RFX4: variants seen among roughly 807,000 people sequenced by gnomAD.
The protein encoded by RFX4 is transcription factor RFX4.
Under a neutral mutation model 95.0 loss-of-function variants are expected in RFX4, and 10 were observed. The ratio of observed to expected loss-of-function variants is 0.11; its 90% CI spans 0.06 to 0.18. The LOEUF (loss-of-function observed/expected upper bound fraction) is 0.18. Ranked by LOEUF, RFX4 falls within the 10% of genes least tolerant of loss-of-function variation. RFX4 has a pLI of 1.00. For missense variants in RFX4, 640 were observed against 922.0 expected, an observed-to-expected ratio of 0.69 and a Z score of 3.96; for synonymous variants, 321 against 340.7, an observed-to-expected ratio of 0.94 and a Z score of 0.64.
chr12:106,731,786 G>A (rs536289238), intron 13 of RFX4, among the ~76,000 whole-genome samples: 13 of 152,308 alleles, frequency 8.5e-5, no homozygotes, highest in African/African-American at 3.1e-4. Flanking sequence ...GCCGAAGAGA[G>A]TGAGCGGTGC....
intron 15 of RFX4, among the ~76,000 whole-genome samples, chr12:106,734,889 C>T (rs531735944): frequency 6.6e-6 from 1 of 151,836 alleles, no homozygotes; most frequent in South Asian, 2.1e-4. Context: ...ATTGAGACCC[C>T]CATCTCTACA....
chr12:106,593,711 C>T (rs1253408886), intron 1 of RFX4, among the ~76,000 whole-genome samples: 1 of 152,168 alleles, frequency 6.6e-6, no homozygotes, highest in Non-Finnish European at 1.5e-5. Context: ...TAAAAGTGAG[C>T]ATGAAAGAGT....
At chr12:106,687,182 T>TCTCACACACACA (rs1443795120) in intron 6 of RFX4, 85 bp downstream of exon 6, 417 of 547,162 alleles carry the variant, frequency 7.6e-4, no homozygotes, top group African/African-American at 7.2e-3. Flanking sequence ...TCTCTCTCTC[T>TCTCACACACACA]CACACACACA....
intron 4 of RFX4, chr12:106,662,077 C>A (rs959935341): frequency 8.6e-6 from 2 of 231,294 alleles, no homozygotes; most frequent in South Asian, 4.8e-5. Context: ...TGGGTAAATA[C>A]CAAGAAGGGC....
At chr12:106,664,583 C>T (rs909933719) in intron 4 of RFX4, among the ~76,000 whole-genome samples, 2 of 151,590 alleles carry the variant, frequency 1.3e-5, no homozygotes, top group Non-Finnish European at 3.0e-5. Flanking sequence ...ATTGTATCTT[C>T]TTCTTACTTC....
At chr12:106,594,327 G>T (rs756745900) in intron 1 of RFX4, among the ~76,000 whole-genome samples, 1 of 152,208 alleles carries the variant, frequency 6.6e-6, no homozygotes, top group Non-Finnish European at 1.5e-5. Context: ...GTTGTTGTGA[G>T]AAAGGCTTTG....
At chr12:106,711,639 T>G in intron 10 of RFX4, 128 bp downstream of exon 10, 3 of 721,362 alleles carry the variant, frequency 4.2e-6, no homozygotes, top group Non-Finnish European at 7.2e-6. Context: ...TTTTTTAATT[T>G]CTACAGATAA....
Position 106,694,765 on chromosome 12 carries a change from C to T in RFX4, c.670-1518C>T, listed in dbSNP as rs540362211. On this transcript the variant is annotated intron_variant, in intron 7 of 17. Transcript: ENST00000392842. ...ATAAAGAAAGCTAATGGCGGCCAGG[C>T]GGTGGCTCACTGTAATCCCAGGACT... Among the ~76,000 whole-genome samples the T allele has an allele frequency of 1.6e-4, 25 of 152,192 alleles. No individual in the cohort carries two copies. In the South Asian group the frequency reaches 2.9e-3, roughly 18 times the overall value.
At chr12:106,665,626 A>AT (rs997284505) in intron 4 of RFX4, among the ~76,000 whole-genome samples, 20 of 151,730 alleles carry the variant, frequency 1.3e-4, no homozygotes, top group Non-Finnish European at 2.5e-4. Flanking sequence ...ATATCATTCC[A>AT]TTTTTTCTCC....
intron 3 of RFX4, among the ~76,000 whole-genome samples, chr12:106,651,772 G>A (rs939872928): frequency 3.9e-5 from 6 of 152,154 alleles, no homozygotes; most frequent in Admixed American, 6.5e-5. Flanking sequence ...AATTGTTGTC[G>A]TGCGGGAATA....
intron 2 of RFX4, among the ~76,000 whole-genome samples, chr12:106,627,082 C>T (rs2040316838): frequency 6.6e-6 from 1 of 152,214 alleles, no homozygotes; most frequent in Admixed American, 6.5e-5. Flanking sequence ...ATGTTCCTCA[C>T]TCTGAGTGTA....
intron 5 of RFX4, chr12:106,683,481 A>C (rs1033771324): frequency 3.3e-5 from 5 of 149,366 alleles, no homozygotes; most frequent in East Asian, 3.9e-4. Flanking sequence ...AAAAAAAAAA[A>C]AAAAAAAAAA....
At chr12:106,583,404 G>A in intron 1 of RFX4, 41 bp downstream of exon 1, 1 of 1,517,550 alleles carries the variant, frequency 6.6e-7, no homozygotes. Context: ...CATTGGGAGG[G>A]AAGGAGAAGG....
At chr12:106,750,541 G>A in intron 16 of RFX4, 114 bp from the exon 17 acceptor site, 5 of 1,044,434 alleles carry the variant, frequency 4.8e-6, no homozygotes, top group African/African-American at 1.7e-5. Flanking sequence ...GGGAAGAAAA[G>A]AAAAGAGAAA....
At position 106,720,815 on chromosome 12, in the gene RFX4, G is replaced by A; in HGVS notation, c.1290G>A (p.Met430Ile). The A allele has an allele frequency of 6.2e-7, 1 of 1,613,786 alleles. No individual in the cohort carries two copies. The change falls in exon 13 of 18, where the codon ATG becomes ATA. Residue 430 changes from methionine to isoleucine, a missense_variant. Met to Ile is a conservative substitution (Grantham distance 10, BLOSUM62 1). Around this residue, in one of 7 missense-constraint regions of RFX4, gnomAD observed 20 missense variants for 52.3 expected, o/e 0.38. Transcript: ENST00000392842. This position sits in a 1 kb window ranked among gnomAD's most constrained non-coding sequence, Gnocchi z 4.2. ...LKKVAQQFLL[M>I]WSCFGTRVIR... ...AAGTGGCCCAGCAGTTCCTCTTGAT[G>A]TGGTCCTGTTTCGGCACAAGGGTGA...
chr12:106,629,738 G>A (rs886309340), intron 2 of RFX4, among the ~76,000 whole-genome samples: 4 of 152,164 alleles, frequency 2.6e-5, no homozygotes, highest in Admixed American at 6.6e-5. Context: ...CTCCCAAAGT[G>A]CTGAAATTAC....
intron 4 of RFX4, among the ~76,000 whole-genome samples, chr12:106,679,475 A>G (rs35259713): frequency 4.0e-5 from 6 of 150,510 alleles, no homozygotes; most frequent in African/African-American, 7.3e-5. Context: ...AAAAAAAAAA[A>G]CCAAAAACCA....
At chr12:106,649,155 G>A (rs754563380) in intron 3 of RFX4, among the ~76,000 whole-genome samples, 2 of 151,894 alleles carry the variant, frequency 1.3e-5, no homozygotes, top group African/African-American at 2.4e-5. Flanking sequence ...GACTAATGAT[G>A]TCCTCTAAAA....
At chr12:106,689,458 G>C in intron 7 of RFX4, 94 bp downstream of exon 7, 1 of 1,018,090 alleles carries the variant, frequency 9.8e-7, no homozygotes. Flanking sequence ...TGCCAGGCCT[G>C]GCATCTGGAA....
Sources: allele counts gnomAD v4.1 joint callset (sites outside exome capture counted in the v4.1 genomes callset), GRCh38; gene constraint gnomAD v4.1.1; regional missense constraint gnomAD v4.1.1; non-coding constraint Gnocchi (gnomAD v3.1); transcripts MANE v1.5; gene names NCBI Gene and HGNC (gene_info 2026-07-23, HGNC 2026-07-21).